DRC10: variants seen among roughly 807,000 people sequenced by gnomAD.
DRC10 encodes IQ domain-containing protein D.
the DRC10 span, chr12:113,195,727 T>C: frequency 7.2e-5 from 117 of 1,613,914 alleles, no homozygotes; most frequent in African/African-American, 1.1e-3. Flanking sequence ...GCCCGTACCA[T>C]GCGCACCATC....
At chr12:113,198,402 C>T in the DRC10 span, among the ~76,000 whole-genome samples, 39 of 152,204 alleles carry the variant, frequency 2.6e-4, no homozygotes, top group Admixed American at 2.5e-3. Flanking sequence ...GATTTAGATG[C>T]AGTGGAGGGA....
At chr12:113,218,462 G>C in the DRC10 span, among the ~76,000 whole-genome samples, 15 of 145,092 alleles carry the variant, frequency 1.0e-4, no homozygotes, top group East Asian at 3.0e-3. Context: ...TTTTTTAATA[G>C]ACAGGGTCTT....
At chr12:113,215,874 T>C in the DRC10 span, among the ~76,000 whole-genome samples, 1 of 152,166 alleles carries the variant, frequency 6.6e-6, no homozygotes, top group Admixed American at 6.6e-5. Context: ...CAACTCCAAA[T>C]GCTGGTGAGG....
chr12:113,219,712 G>A, the DRC10 span, among the ~76,000 whole-genome samples: 4 of 150,984 alleles, frequency 2.6e-5, no homozygotes, highest in Non-Finnish European at 4.4e-5. Context: ...TCGCTCTGTC[G>A]CCCAGGCTGG....
the DRC10 span, chr12:113,208,193 T>C: frequency 6.3e-7 from 1 of 1,591,444 alleles, no homozygotes; most frequent in Non-Finnish European, 8.5e-7. Flanking sequence ...TGTGCCTCTG[T>C]AGGTCCACAG....
At chr12:113,208,149 G>A in the DRC10 span, 17 of 1,613,288 alleles carry the variant, frequency 1.1e-5, no homozygotes, top group African/African-American at 4.0e-5. Context: ...GGGCCATGGC[G>A]AGAATGTCTA....
At chr12:113,211,462 G>A in the DRC10 span, among the ~76,000 whole-genome samples, 1 of 152,060 alleles carries the variant, frequency 6.6e-6, no homozygotes, top group Non-Finnish European at 1.5e-5. Context: ...CCTTGGCAAG[G>A]CAGAATGTAT....
chr12:113,220,832 T>C, the DRC10 span, among the ~76,000 whole-genome samples: 1 of 152,152 alleles, frequency 6.6e-6, no homozygotes, highest in Admixed American at 6.5e-5. Context: ...CTGCAGGTTG[T>C]GGAGCGAAAG....
At chr12:113,202,363 G>A in the DRC10 span, among the ~76,000 whole-genome samples, 1 of 151,572 alleles carries the variant, frequency 6.6e-6, no homozygotes, top group Non-Finnish European at 1.5e-5. Flanking sequence ...TCAGTGAGAA[G>A]TGCCCAACCC....
the DRC10 span, among the ~76,000 whole-genome samples, chr12:113,219,873 A>G: frequency 2.0e-5 from 3 of 152,040 alleles, no homozygotes; most frequent in Non-Finnish European, 4.4e-5. Flanking sequence ...CAGTGGCACG[A>G]TCTCGGCTCG....
the DRC10 span, chr12:113,208,383 A>G: frequency 3.7e-6 from 5 of 1,358,284 alleles, no homozygotes; most frequent in African/African-American, 4.4e-5. Flanking sequence ...TTTTACACAG[A>G]ACCTTTCACT....
At chr12:113,217,759 C>T in the DRC10 span, among the ~76,000 whole-genome samples, 10,509 of 152,190 alleles carry the variant, frequency 0.069, 478 homozygotes, top group Middle Eastern at 0.14. Flanking sequence ...CTTGAACTCC[C>T]GGGCTCAAGT....
the DRC10 span, chr12:113,200,352 CCT>C: frequency 4.4e-6 from 3 of 681,048 alleles, no homozygotes; most frequent in Admixed American, 2.0e-5. Context: ...CAGTTTGTCC[CCT>C]GTCCCCAGGC....
At chr12:113,198,681 A>G in the DRC10 span, among the ~76,000 whole-genome samples, 7 of 152,170 alleles carry the variant, frequency 4.6e-5, no homozygotes, top group African/African-American at 1.7e-4. Flanking sequence ...TTGAGGTGAT[A>G]ATGTTTTGGA....
chr12:113,220,191 G>A, the DRC10 span, among the ~76,000 whole-genome samples: 5 of 152,268 alleles, frequency 3.3e-5, no homozygotes, highest in African/African-American at 7.2e-5. Context: ...CACATCTTAA[G>A]GATGGAGATG....
At chr12:113,210,544 T>C in the DRC10 span, among the ~76,000 whole-genome samples, 1 of 151,410 alleles carries the variant, frequency 6.6e-6, no homozygotes, top group African/African-American at 2.4e-5. Context: ...GGAGGATCGC[T>C]TGAGCCCAGG....
At chr12:113,205,183 C>A in the DRC10 span, among the ~76,000 whole-genome samples, 1 of 151,732 alleles carries the variant, frequency 6.6e-6, no homozygotes, top group Non-Finnish European at 1.5e-5. Flanking sequence ...TAAGACCTGG[C>A]ACCTAGTAAG....
At chr12:113,202,385 G>C in the DRC10 span, among the ~76,000 whole-genome samples, 1 of 152,104 alleles carries the variant, frequency 6.6e-6, no homozygotes, top group Non-Finnish European at 1.5e-5. Context: ...GCACCAGGGA[G>C]GGGGCTGTGA....
the DRC10 span, among the ~76,000 whole-genome samples, chr12:113,201,314 G>A: frequency 6.6e-6 from 1 of 152,216 alleles, no homozygotes; most frequent in Non-Finnish European, 1.5e-5. Context: ...GGCTCAAGGA[G>A]GTGGCTTCAT....
Sources: allele counts gnomAD v4.1 joint callset (sites outside exome capture counted in the v4.1 genomes callset), GRCh38; gene constraint gnomAD v4.1.1; transcripts MANE v1.5; gene names NCBI Gene and HGNC (gene_info 2026-07-23, HGNC 2026-07-21).